LY86: variants seen among roughly 807,000 people sequenced by gnomAD.
LY86 encodes the protein MD-1, RP105-associated.
A neutral mutation model predicts 17.3 loss-of-function variants in LY86; 20 were observed. The ratio of observed to expected loss-of-function variants is 1.15; its 90% CI spans 0.81 to 1.68. LY86 has a LOEUF of 1.68. LY86 is among the 40% of genes most tolerant of loss of function. The pLI is 0.00. For synonymous variants in LY86, 74 were observed against 70.6 expected, an observed-to-expected ratio of 1.05 and a Z score of -0.24; for missense variants, 200 against 191.9, an observed-to-expected ratio of 1.04 and a Z score of -0.25.
intron 3 of LY86, among the ~76,000 whole-genome samples, chr6:6,638,918 A>G (rs1761999662): frequency 6.7e-6 from 1 of 148,806 alleles, no homozygotes; most frequent in Non-Finnish European, 1.5e-5. Flanking sequence ...CAGCCATCCC[A>G]TTACTGGGTA....
intron 1 of LY86, among the ~76,000 whole-genome samples, chr6:6,589,617 A>C (rs1202360254): frequency 6.6e-6 from 1 of 152,122 alleles, no homozygotes; most frequent in African/African-American, 2.4e-5. Context: ...GACTTAAATA[A>C]CAGATTTATT....
chr6:6,593,860 A>C (rs1430515858), intron 1 of LY86, among the ~76,000 whole-genome samples: 9 of 152,216 alleles, frequency 5.9e-5, no homozygotes, highest in Admixed American at 5.9e-4. Context: ...AGGAAGCCAG[A>C]ATCAAGATAC....
intron 1 of LY86, among the ~76,000 whole-genome samples, chr6:6,600,962 A>T (rs1043446796): frequency 6.6e-6 from 1 of 152,238 alleles, no homozygotes; most frequent in Non-Finnish European, 1.5e-5. Flanking sequence ...ACTTGACTTC[A>T]GTTTTGACTA....
intron 3 of LY86, among the ~76,000 whole-genome samples, chr6:6,628,132 T>C (rs571283711): frequency 1.8e-4 from 28 of 152,286 alleles, no homozygotes; most frequent in African/African-American, 6.7e-4. Context: ...AGTACGTTCA[T>C]GCATTTCCTC....
intron 1 of LY86, among the ~76,000 whole-genome samples, chr6:6,594,848 A>C (rs1356881800): frequency 6.6e-6 from 1 of 152,210 alleles, no homozygotes; most frequent in East Asian, 1.9e-4. Flanking sequence ...TGGATATAGA[A>C]ACTGAAGCGT....
intron 1 of LY86, among the ~76,000 whole-genome samples, chr6:6,606,905 G>T (rs780783961): frequency 6.6e-5 from 10 of 152,284 alleles, no homozygotes; most frequent in Non-Finnish European, 1.0e-4. Context: ...GGCACCTCAA[G>T]CGTGGACAGA....
At chr6:6,596,797 G>A (rs1180807936) in intron 1 of LY86, among the ~76,000 whole-genome samples, 20 of 152,164 alleles carry the variant, frequency 1.3e-4, no homozygotes, top group Admixed American at 1.2e-3. Context: ...GGTTTCCATT[G>A]GTGGGAACGT....
chr6:6,637,011 T>G (rs1177455489), intron 3 of LY86, among the ~76,000 whole-genome samples: 1 of 147,942 alleles, frequency 6.8e-6, no homozygotes, highest in African/African-American at 2.5e-5. Context: ...TTGGTTTTTT[T>G]TTTTTTTTTT....
At chr6:6,641,807 T>G (rs1762044449) in intron 3 of LY86, among the ~76,000 whole-genome samples, 1 of 152,016 alleles carries the variant, frequency 6.6e-6, no homozygotes, top group African/African-American at 2.4e-5. Flanking sequence ...TTCAAGGACT[T>G]GGGGGTGGGT....
At chr6:6,617,317 T>C (rs1761577067) in intron 1 of LY86, among the ~76,000 whole-genome samples, 1 of 152,106 alleles carries the variant, frequency 6.6e-6, no homozygotes, top group Non-Finnish European at 1.5e-5. Context: ...AGAAACATAT[T>C]GTAAGAAAGA....
intron 1 of LY86, among the ~76,000 whole-genome samples, chr6:6,605,901 C>T (rs1423106588): frequency 6.6e-6 from 1 of 152,140 alleles, no homozygotes; most frequent in South Asian, 2.1e-4. Context: ...CTTAGTCTCG[C>T]TGGCTTCAGG....
rs562757912 is a variant in LY86 at position 6,619,803 on chromosome 6, C to T, written c.137-5123C>T. Among the ~76,000 whole-genome samples, 3 of 151,600 alleles carry T rather than the reference C, an allele frequency of 2.0e-5. No homozygotes were observed. The South Asian group carries it at 6.2e-4, about 32-fold the overall frequency. On this transcript the variant is annotated intron_variant, in intron 1 of 4. Coordinates refer to ENST00000230568, the MANE Select transcript of LY86 (RefSeq NM_004271.4). ...TCAGGATGGTAGCCAGATCTAAGTA[C>T]TGGTATGAGAAGAAAAAGAGAAACA...
chr6:6,633,530 C>A (rs770477926), intron 3 of LY86, among the ~76,000 whole-genome samples: 17 of 152,096 alleles, frequency 1.1e-4, no homozygotes, highest in Non-Finnish European at 2.4e-4. Flanking sequence ...CATGATAACA[C>A]CTAAGTATTA....
At position 6,588,836 on chromosome 6, in the gene LY86, C is replaced by T. The variant is rs144373281; in HGVS notation, c.102C>T (p.Ser34=). Residue 34 remains serine (S), a synonymous_variant, in exon 1 of 5, where the codon AGC becomes AGT. Transcript: ENST00000230568. ...GKAWPTHVVC[S]DSGLEVLYQS... ...CCTGGCCCACACACGTGGTCTGTAGCGACAGCGGCTTGGAAGTGCTCTACC... is the reference window on the plus strand; with the variant it reads ...CCTGGCCCACACACGTGGTCTGTAGTGACAGCGGCTTGGAAGTGCTCTACC... 9.3e-5 allele frequency: 150 copies of T among 1,614,100 alleles called. 1 individual carries two copies. Among genetic ancestry groups the T allele is most frequent in the Middle Eastern group, 5.0e-4 (3 of 6,058 alleles).
chr6:6,626,263 A>G (rs1284251626), intron 2 of LY86, 30 bp from the exon 3 acceptor site: 1 of 1,610,838 alleles, frequency 6.2e-7, no homozygotes. Flanking sequence ...ACACGCAGTA[A>G]GAGTAAAGCT....
At chr6:6,641,922 C>T (rs1238936344) in intron 3 of LY86, among the ~76,000 whole-genome samples, 2 of 152,246 alleles carry the variant, frequency 1.3e-5, no homozygotes, top group African/African-American at 4.8e-5. Context: ...CTCCATCCCT[C>T]AGCAACCCCT....
At chr6:6,614,456 C>A (rs879785572) in intron 1 of LY86, among the ~76,000 whole-genome samples, 7 of 151,926 alleles carry the variant, frequency 4.6e-5, no homozygotes, top group Admixed American at 2.0e-4. Context: ...ACAGAGCTCC[C>A]GCGAGCCTGC....
chr6:6,652,500 C>A (rs958103448), intron 4 of LY86, among the ~76,000 whole-genome samples: 6 of 152,194 alleles, frequency 3.9e-5, no homozygotes, highest in Non-Finnish European at 8.8e-5. Context: ...ACTCATCCAA[C>A]CCCTTGGCCC....
intron 1 of LY86, among the ~76,000 whole-genome samples, chr6:6,595,301 G>T (rs1415907326): frequency 9.3e-5 from 12 of 129,612 alleles, no homozygotes; most frequent in Non-Finnish European, 1.3e-4. Context: ...AAGAAGAGGA[G>T]AAGGAGGAGG....
Sources: gnomAD v4.1 joint callset for allele counts (sites outside exome capture counted in the v4.1 genomes callset) on GRCh38, gnomAD v4.1.1 for gene constraint, MANE v1.5 for transcripts, NCBI Gene and HGNC (gene_info 2026-07-23, HGNC 2026-07-21) for gene names.